The following HPSE2 variants were observed in gnomAD, a reference collection of about 807,000 sequenced individuals.
The protein encoded by HPSE2 is inactive heparanase-2.
HPSE2 carries 38 observed loss-of-function variants against 60.5 expected under a neutral mutation model. That is an observed-to-expected ratio of 0.63 (90% confidence interval 0.48 to 0.82). The LOEUF (loss-of-function observed/expected upper bound fraction) is 0.82, where lower values mean the gene tolerates loss of function less well. Ranked by LOEUF, HPSE2 falls within the 40% of genes least tolerant of loss-of-function variation. The pLI is 0.00. For synonymous variants in HPSE2, 295 were observed against 293.2 expected, an observed-to-expected ratio of 1.01 and a Z score of -0.06; for missense variants, 713 against 740.4, an observed-to-expected ratio of 0.96 and a Z score of 0.43.
the HPSE2 span, among the ~76,000 whole-genome samples, chr10:99,261,612 A>G: frequency 6.6e-6 from 1 of 152,328 alleles, no homozygotes; most frequent in South Asian, 2.1e-4. Context: ...CTTATTCTCA[A>G]TATGCATTTT....
chr10:99,274,404 C>T, the HPSE2 span, among the ~76,000 whole-genome samples: 2 of 151,956 alleles, frequency 1.3e-5, no homozygotes, highest in Non-Finnish European at 2.9e-5. Flanking sequence ...TATCTTGGAA[C>T]TTAAAATAAA....
chr10:98,665,911 C>A lies in HPSE2; in HGVS notation c.1005-23971G>T, dbSNP rs146557091. Among the ~76,000 whole-genome samples, 105 of 152,216 alleles carry A rather than the reference C, an allele frequency of 6.9e-4. 1 individual carries two copies. The highest frequency in any genetic ancestry group is 1.0e-4 in the Non-Finnish European group (7 of 68,002). ...AAACAAAAAGCTAATAACATGATGA[C>A]AGGATCAAAATCTCACATATAAATA... On this transcript the variant is annotated intron_variant, in intron 6 of 11. Transcript: ENST00000370552.
At chr10:99,196,659 G>A (rs996770395) in intron 2 of HPSE2, among the ~76,000 whole-genome samples, 2 of 152,116 alleles carry the variant, frequency 1.3e-5, no homozygotes, top group Non-Finnish European at 2.9e-5. Flanking sequence ...AAACTGCAAG[G>A]AGATATTATC....
intron 3 of HPSE2, among the ~76,000 whole-genome samples, chr10:99,007,298 G>C (rs1003645119): frequency 2.0e-5 from 3 of 152,114 alleles, no homozygotes; most frequent in Non-Finnish European, 4.4e-5. Context: ...TACTGGGATA[G>C]GGCTAGTGTT....
At chr10:98,561,562 C>T (rs1180590092) in intron 9 of HPSE2, among the ~76,000 whole-genome samples, 1 of 152,076 alleles carries the variant, frequency 6.6e-6, no homozygotes, top group Non-Finnish European at 1.5e-5. Context: ...GAAAGAAAAA[C>T]TTTGGCCAGG....
intron 9 of HPSE2, among the ~76,000 whole-genome samples, chr10:98,572,964 C>T (rs1206563125): frequency 6.6e-6 from 1 of 152,170 alleles, no homozygotes; most frequent in Non-Finnish European, 1.5e-5. Flanking sequence ...GACTATGGTT[C>T]CTGACCTCAA....
chr10:98,924,006 T>C (rs1194512925), intron 3 of HPSE2, among the ~76,000 whole-genome samples: 1 of 152,168 alleles, frequency 6.6e-6, no homozygotes, highest in Non-Finnish European at 1.5e-5. Flanking sequence ...ATGTATTTAT[T>C]GTGGTCTTCA....
chr10:98,633,875 C>T (rs1471748036), intron 7 of HPSE2, among the ~76,000 whole-genome samples: 1 of 152,168 alleles, frequency 6.6e-6, no homozygotes, highest in African/African-American at 2.4e-5. Flanking sequence ...GAATTTAAGC[C>T]AGTGTAGTCT....
At chr10:98,866,348 A>T (rs2134804260) in intron 3 of HPSE2, among the ~76,000 whole-genome samples, 1 of 152,236 alleles carries the variant, frequency 6.6e-6, no homozygotes, top group East Asian at 1.9e-4. Flanking sequence ...AATCCAAAAA[A>T]ATGAAAAGAG....
At chr10:98,566,010 C>A (rs1944333021) in intron 9 of HPSE2, among the ~76,000 whole-genome samples, 1 of 152,164 alleles carries the variant, frequency 6.6e-6, no homozygotes, top group African/African-American at 2.4e-5. Context: ...CCCTCCAGGC[C>A]TCCTGCAAGA....
chr10:99,163,075 G>A (rs911844341), intron 2 of HPSE2, among the ~76,000 whole-genome samples: 4 of 152,030 alleles, frequency 2.6e-5, no homozygotes, highest in African/African-American at 9.7e-5. Context: ...GCCAGGCATG[G>A]TGGCAGACGC....
At chr10:98,529,998 C>G (rs79404057) in intron 9 of HPSE2, among the ~76,000 whole-genome samples, 4,886 of 152,288 alleles carry the variant, frequency 0.032, 148 homozygotes, top group African/African-American at 0.084. Context: ...GATAGAGCAC[C>G]TAGATGACTG....
chr10:98,906,002 G>C (rs1228975919), intron 3 of HPSE2, among the ~76,000 whole-genome samples: 1 of 152,106 alleles, frequency 6.6e-6, no homozygotes, highest in Non-Finnish European at 1.5e-5. Flanking sequence ...TCTAGGAATT[G>C]TCCTTAGCTG....
chr10:98,832,591 G>A (rs918061113), intron 3 of HPSE2, among the ~76,000 whole-genome samples: 11 of 152,140 alleles, frequency 7.2e-5, no homozygotes, highest in South Asian at 2.1e-4. Context: ...AGGTAGCTAA[G>A]AATCTGCACC....
chr10:99,008,027 G>A (rs1956931177), intron 3 of HPSE2, among the ~76,000 whole-genome samples: 1 of 152,158 alleles, frequency 6.6e-6, no homozygotes, highest in Non-Finnish European at 1.5e-5. Flanking sequence ...AGTCCAAAAA[G>A]AAAATCCTAG....
intron 3 of HPSE2, among the ~76,000 whole-genome samples, chr10:98,854,101 A>C (rs1221817550): frequency 6.6e-6 from 1 of 152,208 alleles, no homozygotes; most frequent in Admixed American, 6.5e-5. Flanking sequence ...GAAGATCTAC[A>C]GTTAAGAATG....
chr10:99,179,470 GACAA>G (rs1201638255), intron 2 of HPSE2, among the ~76,000 whole-genome samples: 24 of 152,176 alleles, frequency 1.6e-4, no homozygotes, highest in African/African-American at 4.8e-4. Context: ...ACCAATAACA[GACAA>G]ACAGAGAGCC....
intron 6 of HPSE2, among the ~76,000 whole-genome samples, chr10:98,664,657 T>C (rs557550113): frequency 6.6e-6 from 1 of 152,328 alleles, no homozygotes; most frequent in African/African-American, 2.4e-5. Context: ...ATCTACTGGA[T>C]GGTAATCCAA....
At chr10:98,924,698 C>G (rs1348188803) in intron 3 of HPSE2, 2 of 152,232 alleles carry the variant, frequency 1.3e-5, no homozygotes, top group African/African-American at 2.4e-5. Flanking sequence ...TCTCTTTACT[C>G]TCCCATAGCT....
Sources: gnomAD v4.1 joint callset for allele counts (sites outside exome capture counted in the v4.1 genomes callset) on GRCh38, gnomAD v4.1.1 for gene constraint, MANE v1.5 for transcripts, NCBI Gene and HGNC (gene_info 2026-07-23, HGNC 2026-07-21) for gene names.